Variants in GADL1 observed in about 807,000 individuals in gnomAD.
The protein encoded by GADL1 is acidic amino acid decarboxylase GADL1.
Under a neutral mutation model 69.5 loss-of-function variants are expected in GADL1, and 71 were observed. The ratio of observed to expected loss-of-function variants is 1.02; its 90% CI spans 0.84 to 1.25. The LOEUF (loss-of-function observed/expected upper bound fraction) is 1.25, where lower values mean the gene tolerates loss of function less well. Ranked by LOEUF, GADL1 falls within the 50% of genes most tolerant of loss-of-function variation. The pLI is 0.00. For missense variants in GADL1, 737 were observed against 631.8 expected (o/e 1.17, Z -1.79); for synonymous variants, 254 against 214.4 (o/e 1.18, Z -1.62).
At chr3:30,771,826 T>C (rs1040804035) in intron 14 of GADL1, among the ~76,000 whole-genome samples, 3 of 152,198 alleles carry the variant, frequency 2.0e-5, no homozygotes, top group Non-Finnish European at 4.4e-5. Flanking sequence ...TGTGCATGTG[T>C]GTATGCATAT....
At chr3:30,819,267 C>T (rs1258850102) in intron 11 of GADL1, among the ~76,000 whole-genome samples, 3 of 151,912 alleles carry the variant, frequency 2.0e-5, no homozygotes, top group African/African-American at 4.8e-5. Context: ...ACTCTGAGGC[C>T]TGTTTATCTA....
intron 11 of GADL1, among the ~76,000 whole-genome samples, chr3:30,808,295 A>AG (rs1697291708): frequency 6.6e-6 from 1 of 152,280 alleles, no homozygotes; most frequent in African/African-American, 2.4e-5. Flanking sequence ...CAGGAGTTGG[A>AG]GACCAGCCTG....
rs1306376553 is a variant in GADL1, at chr3:30,894,643, G to T, written c.-29C>A. 1.9e-6 allele frequency: 3 copies of T among 1,548,626 alleles called. No individual in the cohort carries two copies. Among genetic ancestry groups the T allele is most frequent in the Non-Finnish European group, 1.7e-6 (2 of 1,145,276 alleles). ...CGCTCCCCCACTCCAGGCTGCCCCG[G>T]GCGCGGCTCCCGCAGTCTGGGCGGC... On this transcript the variant is annotated 5_prime_UTR_variant, in exon 1 of 15. Coordinates refer to ENST00000282538, the MANE Select transcript of GADL1 (RefSeq NM_207359.3).
intron 14 of GADL1, among the ~76,000 whole-genome samples, chr3:30,743,233 C>T (rs554495105): frequency 7.9e-5 from 12 of 152,244 alleles, no homozygotes; most frequent in African/African-American, 2.9e-4. Context: ...ATTTAACAGG[C>T]AACTTTCATC....
At chr3:30,798,661 A>G (rs2125505666) in intron 12 of GADL1, 1 of 152,308 alleles carries the variant, frequency 6.6e-6, no homozygotes, top group East Asian at 1.9e-4. Flanking sequence ...CCTTCCCAAC[A>G]GTCCCCTAAA....
chr3:30,733,637 C>CT (rs754207358), intron 14 of GADL1, among the ~76,000 whole-genome samples: 11 of 143,350 alleles, frequency 7.7e-5, no homozygotes, highest in Admixed American at 1.4e-4. Context: ...TCCTTCCTTC[C>CT]TCCTTCCCTC....
intron 14 of GADL1, among the ~76,000 whole-genome samples, chr3:30,772,253 G>T (rs1575197341): frequency 6.6e-6 from 1 of 152,262 alleles, no homozygotes; most frequent in Non-Finnish European, 1.5e-5. Flanking sequence ...TCACAAATCT[G>T]CAGGTCAGCA....
intron 14 of GADL1, among the ~76,000 whole-genome samples, chr3:30,769,043 T>A (rs1696355235): frequency 6.6e-6 from 1 of 152,108 alleles, no homozygotes; most frequent in South Asian, 2.1e-4. Flanking sequence ...TCCTTAATGG[T>A]TGTGTTGTGG....
intron 1 of GADL1, among the ~76,000 whole-genome samples, chr3:30,873,788 G>A (rs9868759): frequency 0.048 from 7,237 of 151,898 alleles, 607 homozygotes; most frequent in African/African-American, 0.17. Context: ...CTTTGCCCAG[G>A]GTTCTGCCTC....
intron 1 of GADL1, among the ~76,000 whole-genome samples, chr3:30,890,535 T>C (rs1381614765): frequency 6.6e-6 from 1 of 152,214 alleles, no homozygotes; most frequent in East Asian, 1.9e-4. Flanking sequence ...CCAAAATCCT[T>C]TCTGAAAATC....
intron 4 of GADL1, among the ~76,000 whole-genome samples, chr3:30,852,824 G>T (rs1050086753): frequency 1.3e-5 from 2 of 151,960 alleles, no homozygotes; most frequent in African/African-American, 4.8e-5. Flanking sequence ...AGAGATTTTT[G>T]AACTTAGATG....
In GADL1 at chr3:30,798,073, C is replaced by A. The variant is rs368159888; in HGVS notation, c.1250+2816G>T. 3.9e-5 allele frequency: 6 copies of A among 152,250 alleles called. No homozygotes were observed. In the East Asian group the frequency reaches 9.7e-4, roughly 25 times the overall value. 9.4% of individuals were successfully genotyped at this position (152,250 alleles called of 1,614,324 possible). On this transcript the variant is annotated intron_variant, in intron 12 of 14. Transcript: ENST00000282538. ...TAATGTTTACTACAAGGCAAGTAAA[C>A]ATGGTGCTTCCACACTGCCTTTCCC...
chr3:30,765,013 CTG>C (rs1258504538), intron 14 of GADL1, among the ~76,000 whole-genome samples: 1 of 149,398 alleles, frequency 6.7e-6, no homozygotes, highest in Non-Finnish European at 1.5e-5. Context: ...GTTTAGCCAT[CTG>C]TAGTCACAAC....
At chr3:30,780,429 C>G (rs1463868843) in intron 13 of GADL1, among the ~76,000 whole-genome samples, 2 of 152,138 alleles carry the variant, frequency 1.3e-5, no homozygotes, top group Admixed American at 1.3e-4. Context: ...GGTGGCTGCT[C>G]TCTATATCAG....
At chr3:30,748,479 C>T (rs886837208) in intron 14 of GADL1, among the ~76,000 whole-genome samples, 1 of 148,350 alleles carries the variant, frequency 6.7e-6, no homozygotes, top group African/African-American at 2.6e-5. Flanking sequence ...AATCAAGTTT[C>T]CTTCTGCCGG....
chr3:30,844,948 T>C (rs1202511681), intron 6 of GADL1, among the ~76,000 whole-genome samples: 53 of 152,238 alleles, frequency 3.5e-4, no homozygotes, highest in African/African-American at 1.2e-3. Flanking sequence ...TAGAATCTAG[T>C]CCACTGCTGA....
chr3:30,832,747 C>T (rs921206666), intron 11 of GADL1, among the ~76,000 whole-genome samples: 1 of 151,934 alleles, frequency 6.6e-6, no homozygotes, highest in Non-Finnish European at 1.5e-5. Context: ...TCTTAAACTA[C>T]CTTTTAGTTA....
intron 5 of GADL1, 80 bp from the exon 6 acceptor site, chr3:30,850,191 A>C: frequency 1.3e-6 from 1 of 776,186 alleles, no homozygotes; most frequent in Non-Finnish European, 2.3e-6. Flanking sequence ...GGAAAGCATG[A>C]ATGGCCATGA....
intron 1 of GADL1, among the ~76,000 whole-genome samples, chr3:30,882,521 A>T (rs1322465492): frequency 6.6e-6 from 1 of 151,908 alleles, no homozygotes; most frequent in Non-Finnish European, 1.5e-5. Context: ...CTTTTTAATA[A>T]TATTCCATTG....
Sources: allele counts gnomAD v4.1 joint callset (sites outside exome capture counted in the v4.1 genomes callset), GRCh38; gene constraint gnomAD v4.1.1; transcripts MANE v1.5; gene names NCBI Gene and HGNC (gene_info 2026-07-23, HGNC 2026-07-21).